DYDC2: variants seen among roughly 807,000 people sequenced by gnomAD.
DYDC2 encodes DPY30 domain containing 2.
A neutral mutation model predicts 18.7 loss-of-function variants in DYDC2; 19 were observed. That is an observed-to-expected ratio of 1.02 (90% CI 0.71 to 1.49). The LOEUF (loss-of-function observed/expected upper bound fraction) is 1.49. Among genes scored for constraint, DYDC2 ranks in the 40% most tolerant of loss-of-function variants. The probability of loss-of-function intolerance (pLI) is 0.00; values close to 1 mark genes in which losing one functional copy is unlikely to be tolerated. For synonymous variants in DYDC2, 63 were observed against 67.6 expected, an observed-to-expected ratio of 0.93 and a Z score of 0.34; for missense variants, 179 against 205.1, an observed-to-expected ratio of 0.87 and a Z score of 0.78.
chr10:80,358,431 T>C (rs1480973784), intron 2 of DYDC2, among the ~76,000 whole-genome samples: 1 of 152,216 alleles, frequency 6.6e-6, no homozygotes, highest in Non-Finnish European at 1.5e-5. Context: ...AGCCCTCAGA[T>C]TATGGCTCTA....
upstream of DYDC2, chr10:80,356,542 GA>G (rs1236035709): frequency 1.0e-6 from 1 of 985,396 alleles, no homozygotes; most frequent in Non-Finnish European, 1.2e-6. Flanking sequence ...GGAGCAGGAG[GA>G]CAGCTGGCCG....
chr10:80,351,853 T>G, upstream of DYDC2: 1 of 1,556,782 alleles, frequency 6.4e-7, no homozygotes, highest in Non-Finnish European at 8.8e-7. Flanking sequence ...CATGCTGAGG[T>G]TGGCATCGTT....
chr10:80,351,794 C>A, upstream of DYDC2: 1 of 939,912 alleles, frequency 1.1e-6, no homozygotes, highest in Admixed American at 2.3e-5. Context: ...ATTAGGAAGC[C>A]ATATCTAAAT....
intron 2 of DYDC2, among the ~76,000 whole-genome samples, chr10:80,360,656 A>G (rs1843636641): frequency 6.6e-6 from 1 of 152,162 alleles, no homozygotes; most frequent in African/African-American, 2.4e-5. Context: ...AAATTAAGAA[A>G]TTTAACTTGG....
intron 4 of DYDC2, among the ~76,000 whole-genome samples, chr10:80,363,351 T>C (rs975568782): frequency 1.5e-5 from 2 of 135,968 alleles, no homozygotes; most frequent in East Asian, 4.2e-4. Context: ...TTTTTTTTTT[T>C]TTTTTTTTTT....
chr10:80,359,031 T>G (rs1843573924), intron 2 of DYDC2, among the ~76,000 whole-genome samples: 1 of 152,144 alleles, frequency 6.6e-6, no homozygotes, highest in African/African-American at 2.4e-5. Context: ...GAACAAAGCT[T>G]CCAGTGTGGA....
At chr10:80,366,055 CGGAGTCTCACTTTGTCACCCAAGCT>C (rs1251734718) in intron 4 of DYDC2, among the ~76,000 whole-genome samples, 16 of 89,856 alleles carry the variant, frequency 1.8e-4, no homozygotes, top group African/African-American at 7.0e-4. Flanking sequence ...TTTTTTGAGA[CGGAGTCTCACTTTGTCACCCAAGCT>C]GGAGTGCAGT....
intron 1 of DYDC2, among the ~76,000 whole-genome samples, chr10:80,348,897 A>AC (rs1015089207): frequency 6.6e-6 from 1 of 151,190 alleles, no homozygotes; most frequent in African/African-American, 2.4e-5. Flanking sequence ...TAGCAGATAA[A>AC]CTTTTTTTTT....
chr10:80,360,160 C>A (rs1187134226), intron 2 of DYDC2, among the ~76,000 whole-genome samples: 1 of 152,218 alleles, frequency 6.6e-6, no homozygotes, highest in Admixed American at 6.5e-5. Flanking sequence ...GCAGGAGACA[C>A]CACCCACCTC....
upstream of DYDC2, chr10:80,352,360 A>G: frequency 7.4e-7 from 1 of 1,357,240 alleles, no homozygotes; most frequent in Non-Finnish European, 9.6e-7. Context: ...CATTATTTTT[A>G]TAACAGAAAA....
intron 1 of DYDC2, among the ~76,000 whole-genome samples, chr10:80,350,054 C>A (rs898674109): frequency 1.4e-4 from 21 of 152,244 alleles, no homozygotes; most frequent in African/African-American, 5.1e-4. Flanking sequence ...CTCTGTTTTT[C>A]TTCATCTCAG....
Position 80,366,675 on chromosome 10 carries a change from G to C in DYDC2, c.271-13G>C, listed in dbSNP as rs200105387. On this transcript the variant is annotated splice_polypyrimidine_tract_variant and intron_variant, in intron 4 of 4. Transcript: ENST00000256039. ...CTAATAATAAGTTTTCGGCTTTTTT[G>C]TTTTCTATTTAGGAACTGACTTCTG... 5 of 1,577,392 alleles carry C rather than the reference G, an allele frequency of 3.2e-6. No homozygotes were observed. The highest frequency in any genetic ancestry group is 1.4e-5 in the African/African-American group (1 of 72,796).
intron 1 of DYDC2, among the ~76,000 whole-genome samples, chr10:80,346,751 C>A (rs1842665166): frequency 6.6e-6 from 1 of 151,818 alleles, no homozygotes; most frequent in African/African-American, 2.4e-5. Flanking sequence ...TGAGCCACTG[C>A]CCCCGGCCAT....
chr10:80,357,793 T>C, intron 1 of DYDC2, 100 bp from the exon 2 acceptor site: 1 of 985,634 alleles, frequency 1.0e-6, no homozygotes, highest in Non-Finnish European at 1.2e-6. Context: ...TAGATGTTAG[T>C]TGAGCTAGTA....
At chr10:80,362,734 A>C in intron 3 of DYDC2, 144 bp downstream of exon 3, 1 of 1,395,684 alleles carries the variant, frequency 7.2e-7, no homozygotes, top group Non-Finnish European at 9.7e-7. Context: ...TCCCTGAAGC[A>C]TGGGGATCCT....
intron 1 of DYDC2, among the ~76,000 whole-genome samples, chr10:80,350,280 G>C (rs1220265402): frequency 1.3e-5 from 2 of 152,190 alleles, no homozygotes; most frequent in Non-Finnish European, 2.9e-5. Flanking sequence ...GCCAAATTAT[G>C]CATAAGTAGG....
chr10:80,366,028 C>CTTTTTTTTTTT (rs770351822), intron 4 of DYDC2, among the ~76,000 whole-genome samples: 1 of 90,326 alleles, frequency 1.1e-5, no homozygotes, highest in Non-Finnish European at 2.1e-5. Context: ...TTTTCTTTCT[C>CTTTTTTTTTTT]TTTTTTTTTT....
chr10:80,357,503 G>A (rs1012063887), intron 1 of DYDC2, among the ~76,000 whole-genome samples: 6 of 152,160 alleles, frequency 3.9e-5, no homozygotes, highest in Non-Finnish European at 8.8e-5. Flanking sequence ...CAGCCAATCG[G>A]AAAAGGGTGG....
chr10:80,356,177 C>T (rs1408913586), upstream of DYDC2: 10 of 920,718 alleles, frequency 1.1e-5, no homozygotes, highest in African/African-American at 1.8e-4. Context: ...TGCCAACTCC[C>T]TTAGCATGTT....
Sources: allele counts gnomAD v4.1 joint callset (sites outside exome capture counted in the v4.1 genomes callset), GRCh38; gene constraint gnomAD v4.1.1; transcripts MANE v1.5; gene names NCBI Gene and HGNC (gene_info 2026-07-23, HGNC 2026-07-21).